AUH: variants seen among roughly 807,000 people sequenced by gnomAD.
The protein encoded by AUH is AU RNA binding methylglutaconyl-CoA hydratase.
A neutral mutation model predicts 42.3 loss-of-function variants in AUH; 29 were observed. That is an observed-to-expected ratio of 0.69 (90% CI 0.51 to 0.93). The LOEUF is 0.93. Ranked by LOEUF, AUH falls within the 40% of genes least tolerant of loss-of-function variation. The probability of loss-of-function intolerance (pLI) is 0.00; values close to 1 mark genes in which losing one functional copy is unlikely to be tolerated. For synonymous variants in AUH, 174 were observed against 166.4 expected (o/e 1.05, Z -0.35); for missense variants, 452 against 438.1 (o/e 1.03, Z -0.28).
chr9:91,269,222 G>A (rs933434016), intron 6 of AUH, among the ~76,000 whole-genome samples: 14 of 151,990 alleles, frequency 9.2e-5, no homozygotes, highest in African/African-American at 2.9e-4. Context: ...CTCGTGATCC[G>A]CCTGCCTCAG....
intron 6 of AUH, among the ~76,000 whole-genome samples, chr9:91,272,605 A>G (rs1234866976): frequency 6.6e-6 from 1 of 152,126 alleles, no homozygotes. Context: ...CTTCTCATTC[A>G]CATTCTTTCT....
chr9:91,321,338 T>TC (rs1829552851), intron 4 of AUH, among the ~76,000 whole-genome samples: 2 of 152,346 alleles, frequency 1.3e-5, no homozygotes, highest in African/African-American at 4.8e-5. Context: ...TGCTATTTTT[T>TC]CTCTTTACAT....
intron 4 of AUH, 89 bp from the exon 5 acceptor site, chr9:91,298,165 C>T: frequency 9.9e-7 from 1 of 1,005,288 alleles, no homozygotes; most frequent in Non-Finnish European, 1.5e-6. Context: ...TGAATTTATG[C>T]TTTAAATGGG....
chr9:91,281,806 T>C (rs1825984465), intron 6 of AUH, among the ~76,000 whole-genome samples: 2 of 152,098 alleles, frequency 1.3e-5, no homozygotes, highest in African/African-American at 4.8e-5. Flanking sequence ...ACTTTCACCA[T>C]TCCCATCCCA....
chr9:91,350,634 C>G (rs745408267), intron 3 of AUH, among the ~76,000 whole-genome samples: 15 of 151,976 alleles, frequency 9.9e-5, no homozygotes, highest in Non-Finnish European at 1.9e-4. Context: ...CAGCAGGTGC[C>G]TGTAATCCCA....
chr9:91,261,956 T>C (rs1829728618), intron 6 of AUH, among the ~76,000 whole-genome samples: 1 of 152,224 alleles, frequency 6.6e-6, no homozygotes, highest in Non-Finnish European at 1.5e-5. Context: ...TGAGCCAAAT[T>C]AAGCAGGCAC....
chr9:91,254,361 G>A (rs955929506), intron 6 of AUH, among the ~76,000 whole-genome samples: 1 of 152,204 alleles, frequency 6.6e-6, no homozygotes, highest in Non-Finnish European at 1.5e-5. Context: ...GCCTCAAATG[G>A]CTGAGACGGG....
At chr9:91,339,941 T>C (rs1830980170) in intron 3 of AUH, among the ~76,000 whole-genome samples, 1 of 152,150 alleles carries the variant, frequency 6.6e-6, no homozygotes, top group African/African-American at 2.4e-5. Flanking sequence ...CTGAGGTGGC[T>C]GGAATTTACA....
At chr9:91,283,635 T>A (rs996259779) in intron 6 of AUH, among the ~76,000 whole-genome samples, 3 of 152,168 alleles carry the variant, frequency 2.0e-5, no homozygotes, top group African/African-American at 7.2e-5. Context: ...AAAATCAATG[T>A]GCAAAAATCA....
chr9:91,357,691 A>T (rs1421305011), intron 1 of AUH, among the ~76,000 whole-genome samples: 1 of 152,300 alleles, frequency 6.6e-6, no homozygotes, highest in East Asian at 1.9e-4. Context: ...CCAGACAGTG[A>T]AGGTTAGAAG....
chr9:91,257,002 C>T (rs1485726839), intron 6 of AUH, among the ~76,000 whole-genome samples: 5 of 152,150 alleles, frequency 3.3e-5, no homozygotes, highest in African/African-American at 1.2e-4. Context: ...GGTTATCTCT[C>T]GTGTTGTTCT....
intron 9 of AUH, among the ~76,000 whole-genome samples, chr9:91,215,771 A>G (rs187608175): frequency 6.6e-6 from 1 of 152,284 alleles, no homozygotes; most frequent in Admixed American, 6.5e-5. Context: ...GCCAGGACCA[A>G]TCCCACAAAA....
chr9:91,227,938 T>C (rs950526020), intron 6 of AUH, among the ~76,000 whole-genome samples: 2 of 152,164 alleles, frequency 1.3e-5, no homozygotes, highest in African/African-American at 4.8e-5. Context: ...TTTGATGTGC[T>C]GCTGGATTTG....
intron 4 of AUH, among the ~76,000 whole-genome samples, chr9:91,304,069 G>C (rs979252075): frequency 2.6e-5 from 4 of 152,160 alleles, no homozygotes; most frequent in African/African-American, 9.7e-5. Context: ...AAAAGTAACA[G>C]TATTTAAATA....
At position 91,307,119 on chromosome 9, in the gene AUH, C is replaced by T. The variant is rs542406632; in HGVS notation, c.506-9043G>A. Among the ~76,000 whole-genome samples, 5 of 152,174 alleles carry T rather than the reference C, an allele frequency of 3.3e-5. No individual in the cohort carries two copies. The East Asian group carries it at 9.6e-4, about 29-fold the overall frequency. On this transcript the variant is annotated intron_variant, in intron 4 of 9. Transcript: ENST00000375731. ...GGCAAAAGAAAGAGACAGCAAACGGCCATGAGGAAATTTCTGGAGGTGATG... is the reference window on the plus strand; with the variant it reads ...GGCAAAAGAAAGAGACAGCAAACGGTCATGAGGAAATTTCTGGAGGTGATG...
intron 6 of AUH, among the ~76,000 whole-genome samples, chr9:91,292,596 A>T (rs1254720998): frequency 6.6e-6 from 1 of 151,792 alleles, no homozygotes; most frequent in Admixed American, 6.6e-5. Flanking sequence ...TTCTTCTTCC[A>T]CTTGGGGTTT....
At chr9:91,224,187 A>C (rs1827297750) in intron 6 of AUH, among the ~76,000 whole-genome samples, 1 of 152,144 alleles carries the variant, frequency 6.6e-6, no homozygotes, top group Non-Finnish European at 1.5e-5. Context: ...TTTTGGTAGC[A>C]ATTTCATTGT....
intron 6 of AUH, among the ~76,000 whole-genome samples, chr9:91,263,471 A>G (rs893858396): frequency 1.3e-5 from 2 of 152,226 alleles, no homozygotes; most frequent in African/African-American, 4.8e-5. Context: ...AAGTTTTCAT[A>G]TTATTTTATT....
chr9:91,287,929 A>G (rs1826545597), intron 6 of AUH, among the ~76,000 whole-genome samples: 1 of 152,208 alleles, frequency 6.6e-6, no homozygotes, highest in East Asian at 1.9e-4. Context: ...TTTCTATGAG[A>G]AAGAAGGATT....
Sources: gnomAD v4.1 joint callset for allele counts (sites outside exome capture counted in the v4.1 genomes callset) on GRCh38, gnomAD v4.1.1 for gene constraint, MANE v1.5 for transcripts, NCBI Gene and HGNC (gene_info 2026-07-23, HGNC 2026-07-21) for gene names.